TOMM70: variants seen among roughly 807,000 people sequenced by gnomAD.
TOMM70 encodes translocase of outer mitochondrial membrane 70, also known as mitochondrial import receptor subunit TOM70.
A neutral mutation model predicts 73.6 loss-of-function variants in TOMM70; 13 were observed. The observed-to-expected ratio is 0.18, with a 90% CI of 0.11 to 0.28. The LOEUF is 0.28. Ranked by LOEUF, TOMM70 falls within the 10% of genes least tolerant of loss-of-function variation. The probability of loss-of-function intolerance (pLI) is 1.00; values close to 1 mark genes in which losing one functional copy is unlikely to be tolerated. For missense variants in TOMM70, 609 were observed against 747.5 expected (o/e 0.81, Z 2.16); for synonymous variants, 257 against 271.2 (o/e 0.95, Z 0.51).
chr3:100,380,706 A>G (rs1326786811), intron 5 of TOMM70, among the ~76,000 whole-genome samples: 2 of 152,236 alleles, frequency 1.3e-5, no homozygotes, highest in African/African-American at 4.8e-5. Flanking sequence ...AAGAGCTAAT[A>G]CGACATCTTA....
intron 1 of TOMM70, among the ~76,000 whole-genome samples, chr3:100,391,121 A>G (rs1447773567): frequency 6.6e-6 from 1 of 152,226 alleles, no homozygotes; most frequent in Non-Finnish European, 1.5e-5. Context: ...ATCCTGGGCA[A>G]CAGAGTAAGA....
In TOMM70 at chr3:100,381,608, T is replaced by C. The variant is rs1033874527; in HGVS notation, c.884+7A>G. The C allele has an allele frequency of 1.2e-6, 2 of 1,612,120 alleles. No individual in the cohort carries two copies. Among genetic ancestry groups the C allele is most frequent in the African/African-American group, 1.3e-5 (1 of 74,884 alleles). ...CACTAAGTAGACACTATGCTTGACA[T>C]ACTTACTTTTCTTTCACTTCTAAAG... On this transcript the variant is annotated splice_region_variant and intron_variant, in intron 5 of 11. Transcript: ENST00000284320.
At chr3:100,394,955 T>C (rs1488720385) in intron 1 of TOMM70, among the ~76,000 whole-genome samples, 1 of 152,222 alleles carries the variant, frequency 6.6e-6, no homozygotes, top group South Asian at 2.1e-4. Flanking sequence ...CAACCCCACC[T>C]ACTAAATCAT....
chr3:100,389,539 T>G (rs1706735072), intron 1 of TOMM70, among the ~76,000 whole-genome samples: 1 of 152,018 alleles, frequency 6.6e-6, no homozygotes, highest in Non-Finnish European at 1.5e-5. Context: ...TAAAACCAAA[T>G]GACATACTAA....
intron 5 of TOMM70, among the ~76,000 whole-genome samples, chr3:100,378,283 A>G (rs1226782305): frequency 1.3e-5 from 2 of 151,946 alleles, no homozygotes; most frequent in Non-Finnish European, 2.9e-5. Flanking sequence ...AAAGAATTCA[A>G]TGTTAAAACA....
chr3:100,383,339 T>C (rs1244393149), intron 4 of TOMM70, among the ~76,000 whole-genome samples: 1 of 151,902 alleles, frequency 6.6e-6, no homozygotes, highest in Non-Finnish European at 1.5e-5. Flanking sequence ...CTGGGTAACA[T>C]GGTGAAACCC....
At chr3:100,381,585 C>T (rs768786621) in intron 5 of TOMM70, 30 bp downstream of exon 5, 2 of 1,601,978 alleles carry the variant, frequency 1.2e-6, no homozygotes, top group Admixed American at 1.7e-5. Flanking sequence ...CAAAACACCA[C>T]TAAGTAGACA....
In TOMM70 at chr3:100,375,007, AAC is replaced by A. The variant is rs751330736; in HGVS notation, c.1227+9_1227+10del. The A allele has an allele frequency of 5.1e-6, 8 of 1,576,116 alleles. No individual in the cohort carries two copies. In the Admixed American group the frequency reaches 1.5e-4, roughly 29 times the overall value. On this transcript the variant is annotated intron_variant, in intron 7 of 11. Transcript: ENST00000284320. ...CACAAGTCAGACCTCTAGGTAAGAA[AAC>A]AGACTTACCTGTCCTCGGTGGTGAT...
At chr3:100,391,346 T>C (rs986267253) in intron 1 of TOMM70, among the ~76,000 whole-genome samples, 1 of 152,188 alleles carries the variant, frequency 6.6e-6, no homozygotes, top group Non-Finnish European at 1.5e-5. Context: ...AGAAGGCTTC[T>C]TATCATAAGA....
At position 100,365,340 on chromosome 3, in the gene TOMM70, G is replaced by A; in HGVS notation, c.*224C>T. 1.9e-6 allele frequency: 1 copy of A among 516,424 alleles called. No individual in the cohort carries two copies. Among genetic ancestry groups the A allele is most frequent in the Non-Finnish European group, 3.3e-6 (1 of 300,822 alleles). The allele number at this position is 516,424 out of a possible 1,614,324, so 32.0% of individuals were successfully genotyped here. On this transcript the variant is annotated 3_prime_UTR_variant, in exon 12 of 12. Transcript: ENST00000284320. ...CTTTATTTAAAAATCCCTTTAACAT[G>A]TTCTAATCTTTTGTTGCACAGGGAA...
chr3:100,384,445 G>T, intron 4 of TOMM70, 34 bp downstream of exon 4: 1 of 1,483,632 alleles, frequency 6.7e-7, no homozygotes, highest in Non-Finnish European at 9.3e-7. Flanking sequence ...AATGTACACA[G>T]TACTCCCCCA....
At chr3:100,370,363 T>A (rs1190201203) in intron 9 of TOMM70, among the ~76,000 whole-genome samples, 2 of 152,238 alleles carry the variant, frequency 1.3e-5, no homozygotes. Flanking sequence ...AATGGCTGCA[T>A]AATATACCAT....
chr3:100,394,348 A>C (rs1706796218), intron 1 of TOMM70, among the ~76,000 whole-genome samples: 1 of 134,032 alleles, frequency 7.5e-6, no homozygotes, highest in Non-Finnish European at 1.5e-5. Context: ...ATACTTATTG[A>C]CCAACTGTTA....
chr3:100,375,060 G>A lies in TOMM70; in HGVS notation c.1185C>T (p.Asp395=), dbSNP rs750653539. The change falls in exon 7 of 12, where the codon GAC becomes GAT. Residue 395 remains aspartate, a synonymous_variant. Coordinates refer to ENST00000284320, the MANE Select transcript of TOMM70 (RefSeq NM_014820.5). ...AAACATCTGCATTCTGAGGATCGAT[G>A]TCAGCAGCCATGTTAAAATCTTGAG... ...LSTQDFNMAA[D]IDPQNADVYH... 1 of 1,609,054 alleles carries A rather than the reference G, an allele frequency of 6.2e-7. No homozygotes were observed. The highest frequency in any genetic ancestry group is 1.7e-4 in the Middle Eastern group (1 of 6,054).
At chr3:100,388,008 G>A (rs978621034) in intron 1 of TOMM70, among the ~76,000 whole-genome samples, 1 of 152,196 alleles carries the variant, frequency 6.6e-6, no homozygotes, top group African/African-American at 2.4e-5. Context: ...GCTAGCTAGT[G>A]TCAACCAGAA....
intron 4 of TOMM70, 60 bp downstream of exon 4, chr3:100,384,419 A>G: frequency 8.3e-7 from 1 of 1,197,926 alleles, no homozygotes; most frequent in Non-Finnish European, 1.2e-6. Flanking sequence ...AGCATAAATT[A>G]GAAAATACCC....
At chr3:100,372,866 T>G (rs1559830717) in intron 8 of TOMM70, 144 bp from the exon 9 acceptor site, 2 of 687,052 alleles carry the variant, frequency 2.9e-6, no homozygotes, top group Non-Finnish European at 4.9e-6. Flanking sequence ...GGGTTCCAAG[T>G]AGGTATCTCA....
chr3:100,365,311 G>T lies in TOMM70; in HGVS notation c.*253C>A. 1 of 416,846 alleles carries T rather than the reference G, an allele frequency of 2.4e-6. No homozygotes were observed. Among genetic ancestry groups the T allele is most frequent in the South Asian group, 5.7e-5 (1 of 17,626 alleles). 25.8% of individuals were successfully genotyped at this position (416,846 alleles called of 1,614,324 possible). A position where few individuals can be genotyped will look rare whatever the true frequency, so the allele number is the denominator to read the frequency against. ...TGGCCAATTATCATTTGTACTCTTT[G>T]CAACTTTATTTAAAAATCCCTTTAA... On this transcript the variant is annotated 3_prime_UTR_variant, in exon 12 of 12. Coordinates refer to ENST00000284320, the MANE Select transcript of TOMM70 (RefSeq NM_014820.5).
At chr3:100,395,832 G>A (rs780812529) in intron 1 of TOMM70, among the ~76,000 whole-genome samples, 39 of 152,120 alleles carry the variant, frequency 2.6e-4, no homozygotes, top group Non-Finnish European at 5.0e-4. Context: ...ACAGATTCAA[G>A]AGCATAGCAG....
Sources: allele counts gnomAD v4.1 joint callset (sites outside exome capture counted in the v4.1 genomes callset), GRCh38; gene constraint gnomAD v4.1.1; transcripts MANE v1.5; gene names NCBI Gene and HGNC (gene_info 2026-07-23, HGNC 2026-07-21).